Variants in HERC6 observed in about 807,000 individuals in gnomAD.
The protein encoded by HERC6 is probable E3 ubiquitin-protein ligase HERC6.
Under a neutral mutation model 114.5 loss-of-function variants are expected in HERC6, and 101 were observed. The ratio of observed to expected loss-of-function variants is 0.88; its 90% confidence interval spans 0.75 to 1.04. The LOEUF (loss-of-function observed/expected upper bound fraction) is 1.04, where lower values mean the gene tolerates loss of function less well. HERC6 is among the 50% of genes least tolerant of loss of function. HERC6 has a pLI of 0.00. For synonymous variants in HERC6, 408 were observed against 436.2 expected (o/e 0.94, Z 0.81); for missense variants, 1,133 against 1,230.9 (o/e 0.92, Z 1.19).
At chr4:88,426,696 G>C (rs1029779120) in intron 15 of HERC6, among the ~76,000 whole-genome samples, 11 of 151,464 alleles carry the variant, frequency 7.3e-5, no homozygotes, top group Non-Finnish European at 1.2e-4. Context: ...GGCTGGTCTC[G>C]AACTCCTGAC....
rs764843324 is a variant in HERC6, at chr4:88,435,703, G to A, written c.2251-22G>A. On this transcript the variant is annotated intron_variant, in intron 17 of 22. Coordinates refer to ENST00000264346, the MANE Select transcript of HERC6 (RefSeq NM_017912.4). ...TTACTAATTATTTATAATACCTTAG[G>A]GATTTTTTTCTTCTTTTCTAGCCTA... is the stretch of plus-strand genomic sequence containing the variant. 1.6e-5 allele frequency: 23 copies of A among 1,420,060 alleles called. No individual in the cohort carries two copies. In the Admixed American group the frequency reaches 3.2e-4, roughly 20 times the overall value. 88.0% of individuals were successfully genotyped at this position (1,420,060 alleles called of 1,614,324 possible). A position where few individuals can be genotyped will look rare whatever the true frequency, so the allele number is the denominator to read the frequency against.
chr4:88,421,180 T>C (rs1211792445), intron 13 of HERC6, among the ~76,000 whole-genome samples: 1 of 152,226 alleles, frequency 6.6e-6, no homozygotes, highest in African/African-American at 2.4e-5. Flanking sequence ...ATTTTATATA[T>C]CCCTTCCTCA....
chr4:88,392,416 C>T (rs911806235), intron 4 of HERC6, among the ~76,000 whole-genome samples: 1 of 151,812 alleles, frequency 6.6e-6, no homozygotes, highest in Non-Finnish European at 1.5e-5. Flanking sequence ...TTTTGAACTC[C>T]TGCGCTCAAG....
intron 3 of HERC6, among the ~76,000 whole-genome samples, chr4:88,390,177 C>CAAAAAAAAAAA (rs1156777502): frequency 2.1e-5 from 1 of 48,642 alleles, no homozygotes; most frequent in Non-Finnish European, 3.7e-5. Context: ...AACTCTGTAT[C>CAAAAAAAAAAA]AAAAAAAAAA....
At chr4:88,407,816 G>C (rs1328603395) in intron 10 of HERC6, among the ~76,000 whole-genome samples, 3 of 152,192 alleles carry the variant, frequency 2.0e-5, no homozygotes, top group Admixed American at 2.0e-4. Context: ...AGAGAGAACA[G>C]CACACCTGGA....
rs1031027343 is a variant in HERC6, at chr4:88,390,787, C to A, written c.572C>A (p.Ala191Asp). The A allele has an allele frequency of 1.9e-6, 3 of 1,614,224 alleles. No homozygotes were observed. The highest frequency in any genetic ancestry group is 2.5e-6 in the Non-Finnish European group (3 of 1,180,028). Reference sequence around the variant, plus strand: ...CTGGCTCAGGTGGCTGCCGGAGGGGCTCACAGCTTTGCCCTGTCTCTCTGT... The same window carrying A: ...CTGGCTCAGGTGGCTGCCGGAGGGGATCACAGCTTTGCCCTGTCTCTCTGT... ...IPLAQVAAGG[A>D]HSFALSLCGT... Residue 191 changes from alanine (A) to aspartate (D), a missense_variant, in exon 4 of 23, where the codon GCT becomes GAT. Around this residue, in one of 3 missense-constraint regions of HERC6, gnomAD observed 735 missense variants for 754.0 expected, o/e 0.97. Transcript: ENST00000264346.
intron 19 of HERC6, 62 bp from the exon 20 acceptor site, chr4:88,437,649 A>G (rs188864404): frequency 1.0e-6 from 1 of 983,400 alleles, no homozygotes; most frequent in Non-Finnish European, 1.6e-6. Flanking sequence ...TAAAGATATT[A>G]TGGGTGGTTG....
At position 88,408,723 on chromosome 4, in the gene HERC6, C is replaced by A. The variant is rs554900115; in HGVS notation, c.1368+106C>A. On this transcript the variant is annotated intron_variant, in intron 11 of 22. Coordinates refer to ENST00000264346, the MANE Select transcript of HERC6 (RefSeq NM_017912.4). ...TATGATTGTAATTGCCCGATGAGTT[C>A]TTCCTGCCCACTGCAGAAACAAAAA... The A allele has an allele frequency of 2.8e-4, 216 of 763,782 alleles. 3 individuals are homozygous for A. In the South Asian group the frequency reaches 3.4e-3, roughly 12 times the overall value. The allele number at this position is 763,782 out of a possible 1,614,324, so 47.3% of individuals were successfully genotyped here.
chr4:88,424,097 T>G (rs527766365), intron 14 of HERC6, 124 bp downstream of exon 14: 1 of 558,612 alleles, frequency 1.8e-6, no homozygotes, highest in Non-Finnish European at 3.2e-6. Flanking sequence ...CAATGATAAA[T>G]TTGCTAAATT....
chr4:88,405,531 A>AC, intron 9 of HERC6, 23 bp from the exon 10 acceptor site: 2 of 1,422,840 alleles, frequency 1.4e-6, no homozygotes, highest in Admixed American at 2.1e-5. Flanking sequence ...GTTGTGACTT[A>AC]CCCCTTGTTA....
chr4:88,386,380 A>G (rs961303378), intron 3 of HERC6, among the ~76,000 whole-genome samples: 1 of 151,430 alleles, frequency 6.6e-6, no homozygotes, highest in African/African-American at 2.4e-5. Context: ...TAATTTTTGT[A>G]TTTTTAGTAT....
At chr4:88,384,948 GGGA>G (rs1578367904) in intron 2 of HERC6, among the ~76,000 whole-genome samples, 1 of 152,034 alleles carries the variant, frequency 6.6e-6, no homozygotes, top group Non-Finnish European at 1.5e-5. Context: ...ACTTGAACCC[GGGA>G]GGAGGAGGTT....
chr4:88,408,516 A>T lies in HERC6; in HGVS notation c.1275-8A>T, dbSNP rs753698669. ...TTATGTGGTTTCTTGCATTTCTTGT[A>T]TCCAAAGAGGAACTGGAGAAACGAC... On this transcript the variant is annotated splice_polypyrimidine_tract_variant and splice_region_variant and intron_variant, in intron 10 of 22. Coordinates refer to ENST00000264346, the MANE Select transcript of HERC6 (RefSeq NM_017912.4). 8.3e-6 allele frequency: 13 copies of T among 1,560,310 alleles called. No homozygotes were observed. The highest frequency in any genetic ancestry group is 1.1e-5 in the Non-Finnish European group (13 of 1,139,802).
At chr4:88,397,133 A>T (rs1318662948) in intron 7 of HERC6, 146 bp downstream of exon 7, 1 of 628,690 alleles carries the variant, frequency 1.6e-6, no homozygotes, top group African/African-American at 1.9e-5. Context: ...TTTTTTTGAG[A>T]TGGAGTTTCG....
At position 88,442,597 on chromosome 4, in the gene HERC6, G is replaced by A; in HGVS notation, c.*137G>A. 2 of 724,794 alleles carry A rather than the reference G, an allele frequency of 2.8e-6. No homozygotes were observed. The highest frequency in any genetic ancestry group is 2.7e-5 in the East Asian group (1 of 37,062). The allele number at this position is 724,794 out of a possible 1,614,324, so 44.9% of individuals were successfully genotyped here. ...GAGATTGGGGGAATGGGGAGATGAT[G>A]ATGATGGTCAAAGGGTGCAAAATCT... On this transcript the variant is annotated 3_prime_UTR_variant, in exon 23 of 23. Transcript: ENST00000264346.
In HERC6 at chr4:88,410,130, G is replaced by C. The variant is rs1423778968; in HGVS notation, c.1368+1513G>C. Among the ~76,000 whole-genome samples the C allele has an allele frequency of 1.3e-5, 2 of 152,198 alleles. 1 individual carries two copies. Among genetic ancestry groups the C allele is most frequent in the Non-Finnish European group, 2.9e-5 (2 of 68,048 alleles). On this transcript the variant is annotated intron_variant, in intron 11 of 22. Transcript: ENST00000264346. ...GCCAAGATTGAGGACACACGCCTGT[G>C]ACACAGCCTCAGGAGGTCCTGATGA...
At chr4:88,382,736 CA>C (rs1323192026) in intron 1 of HERC6, among the ~76,000 whole-genome samples, 2 of 152,122 alleles carry the variant, frequency 1.3e-5, no homozygotes, top group Admixed American at 6.6e-5. Context: ...AAGGAGATGC[CA>C]GGGGGAACCT....
intron 13 of HERC6, among the ~76,000 whole-genome samples, chr4:88,421,451 C>CTTTT (rs200388722): frequency 7.5e-6 from 1 of 133,910 alleles, no homozygotes; most frequent in Non-Finnish European, 1.6e-5. Context: ...CTTTTCTTTT[C>CTTTT]TTTTTTTTTT....
intron 8 of HERC6, among the ~76,000 whole-genome samples, chr4:88,401,623 T>C (rs1186467461): frequency 6.6e-6 from 1 of 152,186 alleles, no homozygotes; most frequent in Non-Finnish European, 1.5e-5. Context: ...TATTCTGCTG[T>C]AATAAGAAAC....
Sources: allele counts gnomAD v4.1 joint callset (sites outside exome capture counted in the v4.1 genomes callset), GRCh38; gene constraint gnomAD v4.1.1; regional missense constraint gnomAD v4.1.1; transcripts MANE v1.5; gene names NCBI Gene and HGNC (gene_info 2026-07-23, HGNC 2026-07-21).